The following ANO6 variants were observed in gnomAD, a reference collection of about 807,000 sequenced individuals.
The protein encoded by ANO6 is anoctamin-6.
Under a neutral mutation model 117.5 loss-of-function variants are expected in ANO6, and 106 were observed. The observed-to-expected ratio is 0.90, with a 90% CI of 0.77 to 1.06. ANO6 has a LOEUF of 1.06. ANO6 is among the 50% of genes least tolerant of loss of function. ANO6 has a pLI of 0.00. For synonymous variants in ANO6, 367 were observed against 385.1 expected, an observed-to-expected ratio of 0.95 and a Z score of 0.55; for missense variants, 955 against 1,121.1, an observed-to-expected ratio of 0.85 and a Z score of 2.12.
chr12:45,362,684 T>A (rs1034462820), intron 8 of ANO6, among the ~76,000 whole-genome samples: 1 of 151,662 alleles, frequency 6.6e-6, no homozygotes, highest in Admixed American at 6.5e-5. Flanking sequence ...TCCATTATTG[T>A]TTCTTTATCT....
At chr12:45,228,291 CTTTTTT>C in intron 1 of ANO6, 10 of 166,796 alleles carry the variant, frequency 6.0e-5, no homozygotes, top group Admixed American at 1.6e-4. Flanking sequence ...CCAGGCCCTC[CTTTTTT>C]TTTTTTTTTT....
chr12:45,350,586 G>A, intron 6 of ANO6, 73 bp from the exon 7 acceptor site: 1 of 1,161,702 alleles, frequency 8.6e-7, no homozygotes, highest in Non-Finnish European at 1.3e-6. Flanking sequence ...TCAAGTATTT[G>A]TATCACATTT....
In ANO6 at chr12:45,314,492, C is replaced by T. The variant is rs866331182; in HGVS notation, c.150+12399C>T. ...TTATATATACACACACACACACACACATATATACATATATACACATATGTG... is the reference window on the plus strand; with the variant it reads ...TTATATATACACACACACACACACATATATATACATATATACACATATGTG... On this transcript the variant is annotated intron_variant, in intron 2 of 19. Coordinates refer to ENST00000320560, the MANE Select transcript of ANO6 (RefSeq NM_001025356.3). Among the ~76,000 whole-genome samples, 714 of 122,030 alleles carry T rather than the reference C, an allele frequency of 5.9e-3. 6 individuals are homozygous for T. The highest frequency in any genetic ancestry group is 0.019 in the African/African-American group (671 of 34,868). The allele number at this position is 122,030 out of a possible 152,430, so 80.1% of individuals were successfully genotyped here. A position where few individuals can be genotyped will look rare whatever the true frequency, so the allele number is the denominator to read the frequency against.
chr12:45,438,373 G>A (rs1186546850), intron 19 of ANO6, among the ~76,000 whole-genome samples: 1 of 152,042 alleles, frequency 6.6e-6, no homozygotes, highest in Non-Finnish European at 1.5e-5. Flanking sequence ...CATGTGATCA[G>A]CAATACAGAT....
At chr12:45,373,237 C>T (rs1941898630) in intron 9 of ANO6, among the ~76,000 whole-genome samples, 1 of 152,182 alleles carries the variant, frequency 6.6e-6, no homozygotes, top group East Asian at 1.9e-4. Context: ...TACAAAGAGA[C>T]TTAGACACCC....
At chr12:45,220,101 A>G (rs997654370) in intron 1 of ANO6, among the ~76,000 whole-genome samples, 1 of 152,028 alleles carries the variant, frequency 6.6e-6, no homozygotes, top group Non-Finnish European at 1.5e-5. Flanking sequence ...CAGAAATCAG[A>G]TTAGTATGCT....
At chr12:45,265,915 A>G (rs1421576024) in intron 1 of ANO6, among the ~76,000 whole-genome samples, 1 of 152,212 alleles carries the variant, frequency 6.6e-6, no homozygotes, top group Non-Finnish European at 1.5e-5. Context: ...ACTATTTGCC[A>G]GGCACTGTTA....
At chr12:45,217,963 CAGT>C (rs1185166075) in intron 1 of ANO6, among the ~76,000 whole-genome samples, 8 of 152,130 alleles carry the variant, frequency 5.3e-5, no homozygotes, top group African/African-American at 1.7e-4. Context: ...ACTGTGCCAG[CAGT>C]AGATCTCAGT....
At chr12:45,401,582 T>G (rs1565752874) in intron 12 of ANO6, among the ~76,000 whole-genome samples, 1 of 152,190 alleles carries the variant, frequency 6.6e-6, no homozygotes, top group East Asian at 1.9e-4. Context: ...CTAGTTAATG[T>G]TTTACATATG....
chr12:45,433,793 A>G (rs947776601), downstream of ANO6, among the ~76,000 whole-genome samples: 3 of 152,244 alleles, frequency 2.0e-5, no homozygotes, highest in Non-Finnish European at 4.4e-5. Flanking sequence ...GACCCCACCC[A>G]GAGCCTTCGG....
At chr12:45,264,514 C>A (rs1346255362) in intron 1 of ANO6, among the ~76,000 whole-genome samples, 1 of 152,162 alleles carries the variant, frequency 6.6e-6, no homozygotes. Flanking sequence ...AGAAGTAATA[C>A]ACCCACCATT....
At chr12:45,266,933 A>G (rs1473969925) in intron 1 of ANO6, among the ~76,000 whole-genome samples, 7 of 152,042 alleles carry the variant, frequency 4.6e-5, no homozygotes, top group Non-Finnish European at 7.4e-5. Context: ...GCCACTTAAC[A>G]GGGTGAACAT....
intron 12 of ANO6, among the ~76,000 whole-genome samples, chr12:45,394,174 A>G (rs1942541796): frequency 6.6e-6 from 1 of 152,170 alleles, no homozygotes; most frequent in South Asian, 2.1e-4. Context: ...ATGGAAAGCA[A>G]AAAAAAGCAG....
chr12:45,228,343 T>C (rs1947521357), intron 1 of ANO6: 1 of 264,398 alleles, frequency 3.8e-6, no homozygotes, highest in Admixed American at 5.3e-5. Context: ...TCTCACTATG[T>C]TGCCCAGCTG....
chr12:45,382,582 T>C (rs987426417), intron 10 of ANO6, among the ~76,000 whole-genome samples: 1 of 152,160 alleles, frequency 6.6e-6, no homozygotes, highest in Non-Finnish European at 1.5e-5. Flanking sequence ...CATCTAGGGT[T>C]ATCCTGGCCT....
intron 1 of ANO6, among the ~76,000 whole-genome samples, chr12:45,229,158 A>T (rs938320740): frequency 2.6e-5 from 4 of 152,100 alleles, no homozygotes; most frequent in Non-Finnish European, 4.4e-5. Context: ...AAAGAAAAGG[A>T]TACTCTTCTC....
intron 1 of ANO6, among the ~76,000 whole-genome samples, chr12:45,222,190 C>T (rs532325720): frequency 2.2e-5 from 3 of 137,302 alleles, no homozygotes; most frequent in Admixed American, 2.1e-4. Context: ...CCCCCCACTC[C>T]AGCTCTGTTG....
At chr12:45,248,162 T>C (rs183384377) in intron 1 of ANO6, among the ~76,000 whole-genome samples, 1 of 152,338 alleles carries the variant, frequency 6.6e-6, no homozygotes, top group Non-Finnish European at 1.5e-5. Context: ...CTGACATGCA[T>C]GTGTAACAGT....
At chr12:45,340,271 G>A (rs1364841849) in intron 3 of ANO6, among the ~76,000 whole-genome samples, 1 of 152,056 alleles carries the variant, frequency 6.6e-6, no homozygotes, top group Non-Finnish European at 1.5e-5. Context: ...ACTGGTTTCT[G>A]GAGTGTGGCA....
Sources: allele counts gnomAD v4.1 joint callset (sites outside exome capture counted in the v4.1 genomes callset), GRCh38; gene constraint gnomAD v4.1.1; transcripts MANE v1.5; gene names NCBI Gene and HGNC (gene_info 2026-07-23, HGNC 2026-07-21).